The following LEPR variants were observed in gnomAD, a reference collection of about 807,000 sequenced individuals.
LEPR encodes OB receptor.
In LEPR, 56 loss-of-function variants were observed where a neutral mutation model predicts 114.7. The ratio of observed to expected loss-of-function variants is 0.49; its 90% CI spans 0.39 to 0.61. The LOEUF (loss-of-function observed/expected upper bound fraction) is 0.61. Ranked by LOEUF, LEPR falls within the 20% of genes least tolerant of loss-of-function variation. LEPR has a pLI of 0.00. For synonymous variants in LEPR, 443 were observed against 461.4 expected (o/e 0.96, Z 0.51); for missense variants, 1,202 against 1,352.9 (o/e 0.89, Z 1.75).
rs148736804 is a variant in LEPR, at chr1:65,429,881, G to A, written c.-21+4503G>A. The A allele has an allele frequency of 1.9e-5, 29 of 1,502,224 alleles. No individual in the cohort carries two copies. The African/African-American group carries it at 2.6e-4, about 14-fold the overall frequency. 93.1% of individuals were successfully genotyped at this position (1,502,224 alleles called of 1,614,324 possible). On this transcript the variant is annotated intron_variant, in intron 2 of 19. Coordinates refer to ENST00000349533, the MANE Select transcript of LEPR (RefSeq NM_002303.6). ...TGACAGCGTTTACTGGCCCTTATTC[G>A]TCCTGATTTTCCACGCCATCTCCCC...
chr1:65,494,194 GT>G (rs1352950561), intron 2 of LEPR: 2 of 152,132 alleles, frequency 1.3e-5, no homozygotes, highest in Non-Finnish European at 2.9e-5. Context: ...ACTTCCTTTT[GT>G]TTGAAGTGGT....
chr1:65,513,911 T>C lies in LEPR; in HGVS notation c.-20-51635T>C, dbSNP rs1033251586. On this transcript the variant is annotated intron_variant, in intron 2 of 19. Coordinates refer to ENST00000349533, the MANE Select transcript of LEPR (RefSeq NM_002303.6). ...AATAAAAAATAATTTGGCTTATGTATACAATTTGGATAATTTTGTAGTTTT... is the reference window on the plus strand; with the variant it reads ...AATAAAAAATAATTTGGCTTATGTACACAATTTGGATAATTTTGTAGTTTT... Among the ~76,000 whole-genome samples, 4 of 152,224 alleles carry C rather than the reference T, an allele frequency of 2.6e-5. No homozygotes were observed. In the South Asian group the frequency reaches 6.2e-4, roughly 24 times the overall value.
intron 15 of LEPR, 32 bp downstream of exon 15, chr1:65,616,256 C>G: frequency 6.2e-7 from 1 of 1,600,824 alleles, no homozygotes; most frequent in Non-Finnish European, 8.5e-7. Flanking sequence ...TAATCCATTG[C>G]CTCTTTTAAT....
In LEPR at chr1:65,641,390, A is replaced by G. The variant is rs1337267290; in HGVS notation, c.*4375A>G. 1 of 152,162 alleles carries G rather than the reference A, an allele frequency of 6.6e-6. No homozygotes were observed. The highest frequency in any genetic ancestry group is 6.5e-5 in the Admixed American group (1 of 15,272). The allele number at this position is 152,162 out of a possible 1,614,324, so 9.4% of individuals were successfully genotyped here. On this transcript the variant is annotated 3_prime_UTR_variant, in exon 20 of 20. Coordinates refer to ENST00000349533, the MANE Select transcript of LEPR (RefSeq NM_002303.6). Reference sequence around the variant, plus strand: ...ACTGGTATTTTAATAAATGTTATAAACGTAAGTGCCAAGATATGCATCACT... The same window carrying G: ...ACTGGTATTTTAATAAATGTTATAAGCGTAAGTGCCAAGATATGCATCACT...
intron 2 of LEPR, among the ~76,000 whole-genome samples, chr1:65,480,693 A>G (rs1392739050): frequency 1.3e-5 from 2 of 152,124 alleles, no homozygotes; most frequent in African/African-American, 4.8e-5. Flanking sequence ...GAGGATATTT[A>G]TCCCCATTTT....
chr1:65,551,177 C>CT (rs78362129), intron 2 of LEPR, among the ~76,000 whole-genome samples: 1 of 151,950 alleles, frequency 6.6e-6, no homozygotes, highest in South Asian at 2.1e-4. Flanking sequence ...CTGAAATTTT[C>CT]TTTTTTTGTT....
chr1:65,599,618 T>A (rs948678911), intron 8 of LEPR, among the ~76,000 whole-genome samples: 17 of 152,134 alleles, frequency 1.1e-4, no homozygotes, highest in African/African-American at 2.7e-4. Flanking sequence ...TTTATAGGAG[T>A]TCTGGCTCCA....
intron 2 of LEPR, among the ~76,000 whole-genome samples, chr1:65,484,564 G>C (rs1647388333): frequency 6.6e-6 from 1 of 152,106 alleles, no homozygotes; most frequent in Non-Finnish European, 1.5e-5. Context: ...ACTGAGACTT[G>C]TCAATATGAA....
At chr1:65,609,040 T>G in intron 12 of LEPR, 139 bp downstream of exon 12, 3 of 1,167,542 alleles carry the variant, frequency 2.6e-6, no homozygotes, top group Middle Eastern at 2.9e-4. Context: ...TTAAATAGAT[T>G]TATCTAAGTC....
intron 2 of LEPR, among the ~76,000 whole-genome samples, chr1:65,442,226 C>T (rs570297054): frequency 1.3e-5 from 2 of 152,302 alleles, no homozygotes; most frequent in South Asian, 4.1e-4. Flanking sequence ...TATGAGGCTT[C>T]ATCTGCATAG....
intron 6 of LEPR, among the ~76,000 whole-genome samples, chr1:65,593,127 G>A (rs1299511958): frequency 6.6e-6 from 1 of 151,876 alleles, no homozygotes; most frequent in Non-Finnish European, 1.5e-5. Context: ...TATATTGATT[G>A]GATATCACTT....
chr1:65,542,736 A>G (rs1027970644), intron 2 of LEPR, among the ~76,000 whole-genome samples: 2 of 151,800 alleles, frequency 1.3e-5, no homozygotes, highest in Non-Finnish European at 2.9e-5. Context: ...TTCCTGTGTT[A>G]GTTTGCTGAG....
At chr1:65,428,246 T>C (rs535268346) in intron 2 of LEPR, among the ~76,000 whole-genome samples, 1 of 152,346 alleles carries the variant, frequency 6.6e-6, no homozygotes, top group East Asian at 1.9e-4. Flanking sequence ...AATATTTCTC[T>C]TAGTTGGATA....
intron 19 of LEPR, chr1:65,626,071 C>T (rs1036664544): frequency 1.3e-6 from 2 of 1,554,366 alleles, no homozygotes; most frequent in African/African-American, 1.4e-5. Flanking sequence ...ATCAGGCCCA[C>T]ATCAGCAAAA....
Position 65,640,170 on chromosome 1 carries a change from C to A in LEPR, c.*3155C>A, listed in dbSNP as rs1231188581. 6.6e-6 allele frequency: 1 copy of A among 152,012 alleles called. No individual in the cohort carries two copies. The highest frequency in any genetic ancestry group is 2.1e-4 in the South Asian group (1 of 4,812). 9.4% of individuals were successfully genotyped at this position (152,012 alleles called of 1,614,324 possible). On this transcript the variant is annotated 3_prime_UTR_variant, in exon 20 of 20. Coordinates refer to ENST00000349533, the MANE Select transcript of LEPR (RefSeq NM_002303.6). ...TCAGGAATATTTATATTACCTCCTC[C>A]AAAACTGAAAGAAAATAAACTTTAG... is the stretch of plus-strand genomic sequence containing the variant.
At chr1:65,509,634 T>C (rs1325764345) in intron 2 of LEPR, among the ~76,000 whole-genome samples, 1 of 152,188 alleles carries the variant, frequency 6.6e-6, no homozygotes. Flanking sequence ...TTAAAATTCT[T>C]CTGTGTTGGG....
At chr1:65,526,109 C>T in intron 2 of LEPR, 1 of 983,578 alleles carries the variant, frequency 1.0e-6, no homozygotes, top group Non-Finnish European at 1.2e-6. Flanking sequence ...CTCGGGACCA[C>T]CGAGAGAGCA....
intron 19 of LEPR, chr1:65,629,422 A>G: frequency 4.8e-6 from 2 of 415,034 alleles, no homozygotes; most frequent in South Asian, 1.8e-5. Flanking sequence ...CATTGTTATG[A>G]TTATGTAAAT....
chr1:65,634,344 A>T (rs1337486324), intron 19 of LEPR: 2 of 979,000 alleles, frequency 2.0e-6, no homozygotes, highest in African/African-American at 3.5e-5. Context: ...AATAGGTGTC[A>T]TTGAAATGTA....
Sources: allele counts gnomAD v4.1 joint callset (sites outside exome capture counted in the v4.1 genomes callset), GRCh38; gene constraint gnomAD v4.1.1; transcripts MANE v1.5; gene names NCBI Gene and HGNC (gene_info 2026-07-23, HGNC 2026-07-21).